The following KDM2A variants were observed in gnomAD, a reference collection of about 807,000 sequenced individuals.
KDM2A encodes lysine demethylase 2A, also known as lysine-specific demethylase 2A.
In KDM2A, 3 loss-of-function variants were observed where a neutral mutation model predicts 137.3. That is an observed-to-expected ratio of 0.02 (90% CI 0.01 to 0.06). The LOEUF (loss-of-function observed/expected upper bound fraction) is 0.06, where lower values mean the gene tolerates loss of function less well. KDM2A is among the 10% of genes least tolerant of loss of function. KDM2A has a pLI of 1.00. For missense variants in KDM2A, 738 were observed against 1,510.6 expected (o/e 0.49, Z 8.48); for synonymous variants, 512 against 541.5 (o/e 0.95, Z 0.76).
intron 2 of KDM2A, among the ~76,000 whole-genome samples, chr11:67,169,156 A>G (rs1856819033): frequency 6.6e-6 from 1 of 151,744 alleles, no homozygotes; most frequent in Non-Finnish European, 1.5e-5. Context: ...GGGTTTCAAC[A>G]TCTTGGCCAG....
Position 67,167,571 on chromosome 11 carries a change from T to C in KDM2A, c.43-12508T>C, listed in dbSNP as rs552751318. ...TATATTCATCTTCTCTTGAACATTC[T>C]GCCTTCACAGCTATCTTTTTTTTTT... On this transcript the variant is annotated intron_variant, in intron 2 of 20. Coordinates refer to ENST00000529006, the MANE Select transcript of KDM2A (RefSeq NM_012308.3). Among the ~76,000 whole-genome samples, 6 of 151,358 alleles carry C rather than the reference T, an allele frequency of 4.0e-5. No homozygotes were observed. The South Asian group carries it at 1.2e-3, about 31-fold the overall frequency.
At chr11:67,155,716 A>T (rs1388041790) in intron 2 of KDM2A, among the ~76,000 whole-genome samples, 2 of 151,552 alleles carry the variant, frequency 1.3e-5, no homozygotes, top group African/African-American at 4.8e-5. Context: ...TCCCGGGTTC[A>T]AGCAATTCTC....
At chr11:67,224,742 A>G (rs570246014) in intron 10 of KDM2A, among the ~76,000 whole-genome samples, 1 of 150,496 alleles carries the variant, frequency 6.6e-6, no homozygotes, top group South Asian at 2.1e-4. Context: ...CTGGGATTGC[A>G]GGCTTGAGCT....
At chr11:67,234,342 C>A (rs1858806314) in intron 12 of KDM2A, among the ~76,000 whole-genome samples, 1 of 152,160 alleles carries the variant, frequency 6.6e-6, no homozygotes, top group Non-Finnish European at 1.5e-5. Flanking sequence ...TACAGTTTAC[C>A]CTTCCTGCAG....
intron 6 of KDM2A, among the ~76,000 whole-genome samples, chr11:67,214,841 C>T (rs1858111383): frequency 6.6e-6 from 1 of 152,126 alleles, no homozygotes; most frequent in Admixed American, 6.5e-5. Flanking sequence ...CCTGGAGCTT[C>T]TTATTCCTAA....
Position 67,250,604 on chromosome 11 carries a change from GGAA to G in KDM2A, c.2577_2579del (p.Glu866del), listed in dbSNP as rs766427768. On this transcript the variant is annotated inframe_deletion, in exon 17 of 21. Coordinates refer to ENST00000529006, the MANE Select transcript of KDM2A (RefSeq NM_012308.3). This position sits in a 1 kb window ranked among gnomAD's most constrained non-coding sequence, Gnocchi z 7.1. ...AGGAGGGGCTGGGGGGAGAGGAGGAGGAAGAGGAGGAGGAGGAGGAGGAAGATG... is the reference window on the plus strand; with the variant it reads ...AGGAGGGGCTGGGGGGAGAGGAGGAGGAGGAGGAGGAGGAGGAGGAAGATG... The G allele has an allele frequency of 3.7e-6, 6 of 1,612,812 alleles. No individual in the cohort carries two copies. Among genetic ancestry groups the G allele is most frequent in the Middle Eastern group, 1.7e-4 (1 of 6,032 alleles).
chr11:67,153,769 C>A (rs1230914889), intron 2 of KDM2A, among the ~76,000 whole-genome samples: 1 of 148,460 alleles, frequency 6.7e-6, no homozygotes, highest in Non-Finnish European at 1.5e-5. Flanking sequence ...GAGCAATAAT[C>A]ACATCACTGC....
intron 2 of KDM2A, among the ~76,000 whole-genome samples, chr11:67,171,931 T>G (rs1052430776): frequency 6.6e-6 from 1 of 152,266 alleles, no homozygotes; most frequent in African/African-American, 2.4e-5. Context: ...CCACCCAGTC[T>G]TGATTACTAT....
At chr11:67,172,650 G>GT in intron 2 of KDM2A, among the ~76,000 whole-genome samples, 3 of 133,358 alleles carry the variant, frequency 2.2e-5, no homozygotes, top group African/African-American at 7.9e-5. Flanking sequence ...GTGTGTGTGT[G>GT]GATTCCTTAT....
intron 2 of KDM2A, among the ~76,000 whole-genome samples, chr11:67,123,182 C>T (rs760251726): frequency 9.9e-5 from 15 of 150,768 alleles, no homozygotes; most frequent in Non-Finnish European, 1.9e-4. Flanking sequence ...TGCTATGTTG[C>T]CCACCCTAGT....
intron 12 of KDM2A, chr11:67,239,924 C>T: frequency 4.2e-6 from 2 of 473,352 alleles, no homozygotes; most frequent in Non-Finnish European, 6.1e-6. Context: ...CTGGCAGGGC[C>T]TCTTCCAATC....
chr11:67,153,475 G>A (rs1224205167), intron 2 of KDM2A, among the ~76,000 whole-genome samples: 1 of 152,032 alleles, frequency 6.6e-6, no homozygotes, highest in African/African-American at 2.4e-5. Context: ...CCATTTTCTG[G>A]ATTCATGCAA....
chr11:67,239,914 C>T (rs951588958), intron 12 of KDM2A: 2 of 397,042 alleles, frequency 5.0e-6, no homozygotes, highest in Admixed American at 1.1e-4. Context: ...GCTCTCCTCC[C>T]TGGCAGGGCC....
At chr11:67,218,144 T>C (rs1346449681) in intron 9 of KDM2A, among the ~76,000 whole-genome samples, 1 of 152,218 alleles carries the variant, frequency 6.6e-6, no homozygotes, top group African/African-American at 2.4e-5. Flanking sequence ...GCATTAGCCC[T>C]AGTAATTTAG....
At chr11:67,186,958 A>G (rs1857221323) in intron 5 of KDM2A, among the ~76,000 whole-genome samples, 1 of 152,212 alleles carries the variant, frequency 6.6e-6, no homozygotes, top group South Asian at 2.1e-4. Context: ...GCAAAAGCTA[A>G]TAACTAATAG....
At chr11:67,242,362 G>T (rs1483100281) in intron 12 of KDM2A, among the ~76,000 whole-genome samples, 3 of 151,986 alleles carry the variant, frequency 2.0e-5, no homozygotes, top group Non-Finnish European at 4.4e-5. Flanking sequence ...AGCCTTAGAA[G>T]AAAAGAGCCC....
At chr11:67,216,202 G>A (rs1408409812) in intron 8 of KDM2A, among the ~76,000 whole-genome samples, 1 of 152,178 alleles carries the variant, frequency 6.6e-6, no homozygotes, top group Non-Finnish European at 1.5e-5. Context: ...CTAGATTCCT[G>A]AATCAGAGTT....
chr11:67,243,033 A>G lies in KDM2A; in HGVS notation c.1504A>G (p.Ser502Gly). The G allele has an allele frequency of 3.1e-6, 5 of 1,613,784 alleles. No individual in the cohort carries two copies. The highest frequency in any genetic ancestry group is 1.1e-5 in the South Asian group (1 of 91,076). ...GATTTTGCTGGAGGAGCTTGCCAAC[A>G]GCGATCCCAAGTTAGCCCTCACTGG... ...VKILLEELAN[S>G]DPKLALTGVP... Residue 502 changes from serine to glycine, a missense_variant, in exon 13 of 21, where the codon AGC becomes GGC. This residue lies in a region of KDM2A where 71 missense variants were observed against 147.9 expected (regional missense o/e 0.48). Transcript: ENST00000529006.
Position 67,181,412 on chromosome 11 carries a change from G to C in KDM2A, c.260+14G>C, listed in dbSNP as rs1216156823. On this transcript the variant is annotated intron_variant, in intron 4 of 20. Coordinates refer to ENST00000529006, the MANE Select transcript of KDM2A (RefSeq NM_012308.3). Reference sequence around the variant, plus strand: ...ACTCGGAATAAAGTAAGTGTTTTCAGCCTGGCTGGATGTAGTTGCAAAATG... The same window carrying C: ...ACTCGGAATAAAGTAAGTGTTTTCACCCTGGCTGGATGTAGTTGCAAAATG... 6 of 1,600,144 alleles carry C rather than the reference G, an allele frequency of 3.7e-6. No homozygotes were observed. The Admixed American group carries it at 1.0e-4, about 27-fold the overall frequency.
Sources: allele counts gnomAD v4.1 joint callset (sites outside exome capture counted in the v4.1 genomes callset), GRCh38; gene constraint gnomAD v4.1.1; regional missense constraint gnomAD v4.1.1; non-coding constraint Gnocchi (gnomAD v3.1); transcripts MANE v1.5; gene names NCBI Gene and HGNC (gene_info 2026-07-23, HGNC 2026-07-21).